DLGAP1: variants seen among roughly 807,000 people sequenced by gnomAD.
DLGAP1 encodes disks large-associated protein 1.
DLGAP1 carries 11 observed loss-of-function variants against 90.8 expected under a neutral mutation model. The observed-to-expected ratio is 0.12, with a 90% CI of 0.08 to 0.20. The LOEUF (loss-of-function observed/expected upper bound fraction) is 0.20. Ranked by LOEUF, DLGAP1 falls within the 10% of genes least tolerant of loss-of-function variation. DLGAP1 has a pLI of 1.00. For synonymous variants in DLGAP1, 558 were observed against 540.7 expected (o/e 1.03, Z -0.44); for missense variants, 1,050 against 1,333.8 (o/e 0.79, Z 3.31).
rs1451642836 is a variant in DLGAP1 at position 3,880,030 on chromosome 18, C to T, written c.39G>A (p.Gly13=). 2 of 1,606,708 alleles carry T rather than the reference C, an allele frequency of 1.2e-6. No homozygotes were observed. Among genetic ancestry groups the T allele is most frequent in the Non-Finnish European group, 1.7e-6 (2 of 1,179,830 alleles). The change falls in exon 4 of 13, where the codon GGG becomes GGA. Residue 13 remains glycine (G), a synonymous_variant. Transcript: ENST00000315677. ...AGTCACAGGCCGAGTCGCAGGTGAC[C>T]CCGTGGTGATGGCTGCGGCTGCCTG... ...GLSGSRSHHH[G]VTCDSACDSL...
rs146946453 is a variant in DLGAP1 at position 3,886,429 on chromosome 18, T to C, written c.-72-6289A>G. Among the ~76,000 whole-genome samples the C allele has an allele frequency of 4.5e-3, 682 of 152,304 alleles. 18 individuals are homozygous for C. Among genetic ancestry groups the C allele is most frequent in the Admixed American group, 0.034 (514 of 15,292 alleles). ...ATCCTTTTTGTTACAAACAATGCAA[T>C]TATACTCTTATAGTTATTTTTAAAA... On this transcript the variant is annotated intron_variant, in intron 3 of 12. Coordinates refer to ENST00000315677, the MANE Select transcript of DLGAP1 (RefSeq NM_004746.4).
intron 7 of DLGAP1, among the ~76,000 whole-genome samples, chr18:3,718,035 G>C (rs11081069): frequency 6.6e-6 from 1 of 152,012 alleles, no homozygotes; most frequent in Non-Finnish European, 1.5e-5. Flanking sequence ...TTCTGAGAAC[G>C]AGAACAGCTC....
chr18:3,970,302 C>T (rs556944695), intron 3 of DLGAP1, among the ~76,000 whole-genome samples: 2 of 152,142 alleles, frequency 1.3e-5, no homozygotes, highest in South Asian at 2.1e-4. Flanking sequence ...TTTCAAACCT[C>T]GGAGTTCCAT....
At chr18:3,717,624 G>A (rs551953242) in intron 7 of DLGAP1, among the ~76,000 whole-genome samples, 6 of 152,252 alleles carry the variant, frequency 3.9e-5, no homozygotes, top group African/African-American at 1.4e-4. Context: ...TTATTTTCAG[G>A]TGACTGAAAA....
chr18:4,389,433 T>C (rs2082297699), intron 1 of DLGAP1, among the ~76,000 whole-genome samples: 1 of 151,984 alleles, frequency 6.6e-6, no homozygotes, highest in Non-Finnish European at 1.5e-5. Flanking sequence ...TTCTGAAGAC[T>C]GATTGCACAA....
At position 4,368,838 on chromosome 18, in the gene DLGAP1, TTCTC is replaced by T. The variant is rs142205152; in HGVS notation, c.-267+86164_-267+86167del. Among the ~76,000 whole-genome samples, 1,115 of 152,242 alleles carry T rather than the reference TTCTC, an allele frequency of 7.3e-3. 14 individuals are homozygous for T. The highest frequency in any genetic ancestry group is 0.025 in the African/African-American group (1,055 of 41,524). The stretch of plus-strand genomic sequence containing the variant: ...ATACAAAAATTATTAAAATTCATGG[TTCTC>T]TCTATGTAGATAAAAAGAGATGCTG... On this transcript the variant is annotated intron_variant, in intron 1 of 12. Transcript: ENST00000315677.
intron 7 of DLGAP1, among the ~76,000 whole-genome samples, chr18:3,646,300 G>A (rs2059113716): frequency 6.6e-6 from 1 of 151,618 alleles, no homozygotes. Flanking sequence ...AGGCTGAGAT[G>A]GAGGATCACT....
intron 1 of DLGAP1, among the ~76,000 whole-genome samples, chr18:4,357,617 TTGG>T (rs1474403367): frequency 5.3e-5 from 8 of 152,086 alleles, no homozygotes; most frequent in African/African-American, 1.9e-4. Flanking sequence ...AAGAGAAGAG[TTGG>T]TGTAGCTGGA....
intron 5 of DLGAP1, among the ~76,000 whole-genome samples, chr18:3,782,336 C>T (rs1178606442): frequency 6.6e-6 from 1 of 152,086 alleles, no homozygotes; most frequent in Non-Finnish European, 1.5e-5. Context: ...GGGGTTTCAC[C>T]ATGTTGGTCA....
chr18:3,776,079 C>G (rs1214039149), intron 5 of DLGAP1, among the ~76,000 whole-genome samples: 1 of 152,056 alleles, frequency 6.6e-6, no homozygotes, highest in African/African-American at 2.4e-5. Flanking sequence ...GATTGATGAG[C>G]AGAGAAATGA....
chr18:4,041,331 TA>T (rs2074971671), intron 2 of DLGAP1, among the ~76,000 whole-genome samples: 1 of 152,180 alleles, frequency 6.6e-6, no homozygotes, highest in Admixed American at 6.5e-5. Context: ...ACACTATTCA[TA>T]AATGAGGAAT....
At chr18:3,991,898 G>A (rs2073977416) in intron 3 of DLGAP1, among the ~76,000 whole-genome samples, 1 of 152,088 alleles carries the variant, frequency 6.6e-6, no homozygotes, top group African/African-American at 2.4e-5. Flanking sequence ...CTTTATCGAA[G>A]ACCACGGAAA....
At chr18:3,919,311 A>C (rs1260095755) in intron 3 of DLGAP1, among the ~76,000 whole-genome samples, 2 of 152,230 alleles carry the variant, frequency 1.3e-5, no homozygotes, top group Non-Finnish European at 2.9e-5. Flanking sequence ...GACATTTCAA[A>C]ATTTTCAAGT....
rs2054779457 is a variant in DLGAP1, at chr18:3,571,454, TC to T, written c.1966-3874del. Reference sequence around the variant, plus strand: ...GCCCAAGACTCCTGGGCTCATGTGATCCTCCTGCCTAAGCCCCCTGAGTAGT... The same window carrying T: ...GCCCAAGACTCCTGGGCTCATGTGATCTCCTGCCTAAGCCCCCTGAGTAGT... On this transcript the variant is annotated intron_variant, in intron 8 of 12. Transcript: ENST00000315677. 3 of 152,088 alleles carry T rather than the reference TC, an allele frequency of 2.0e-5. No homozygotes were observed. The South Asian group carries it at 6.3e-4, about 32-fold the overall frequency. 9.4% of individuals were successfully genotyped at this position (152,088 alleles called of 1,614,324 possible).
chr18:3,826,647 TGGGGAGTGTGG>T (rs2067730240), intron 4 of DLGAP1, among the ~76,000 whole-genome samples: 2 of 152,012 alleles, frequency 1.3e-5, no homozygotes, highest in African/African-American at 4.8e-5. Context: ...GACAGTGATT[TGGGGAGTGTGG>T]GGGTCCATTT....
intron 1 of DLGAP1, among the ~76,000 whole-genome samples, chr18:4,427,074 G>A (rs1429590238): frequency 6.6e-6 from 1 of 152,192 alleles, no homozygotes; most frequent in East Asian, 1.9e-4. Context: ...ATATGAAGAT[G>A]CATGAAAACT....
At chr18:4,213,474 T>A (rs2077889204) in intron 1 of DLGAP1, among the ~76,000 whole-genome samples, 1 of 152,106 alleles carries the variant, frequency 6.6e-6, no homozygotes, top group African/African-American at 2.4e-5. Flanking sequence ...GAGAAGATTA[T>A]TTCCAAACTT....
At chr18:4,222,723 A>C (rs2078102718) in intron 1 of DLGAP1, among the ~76,000 whole-genome samples, 1 of 145,404 alleles carries the variant, frequency 6.9e-6, no homozygotes, top group South Asian at 2.3e-4. Context: ...GGAATTCCAA[A>C]AGATATGTTT....
chr18:4,172,985 C>T (rs969739515), intron 1 of DLGAP1, among the ~76,000 whole-genome samples: 16 of 152,286 alleles, frequency 1.1e-4, no homozygotes, highest in African/African-American at 3.6e-4. Flanking sequence ...TGTTAGAGAA[C>T]AATCTTTTCT....
Sources: gnomAD v4.1 joint callset for allele counts (sites outside exome capture counted in the v4.1 genomes callset) on GRCh38, gnomAD v4.1.1 for gene constraint, MANE v1.5 for transcripts, NCBI Gene and HGNC (gene_info 2026-07-23, HGNC 2026-07-21) for gene names.